LRRIQ1: variants seen among roughly 807,000 people sequenced by gnomAD.
LRRIQ1 encodes leucine-rich repeat- and IQ domain-containing protein 1.
LRRIQ1 carries 210 observed loss-of-function variants against 211.9 expected under a neutral mutation model. The observed-to-expected ratio is 0.99, with a 90% CI of 0.89 to 1.11. The LOEUF is 1.11. Ranked by LOEUF, LRRIQ1 falls within the 50% of genes most tolerant of loss-of-function variation. The probability of loss-of-function intolerance (pLI) is 0.00; values close to 1 mark genes in which losing one functional copy is unlikely to be tolerated. For synonymous variants in LRRIQ1, 699 were observed against 650.1 expected (o/e 1.08, Z -1.14); for missense variants, 2,136 against 1,939.5 (o/e 1.10, Z -1.90).
chr12:85,180,025 G>C (rs1891900261), intron 24 of LRRIQ1, among the ~76,000 whole-genome samples: 1 of 151,772 alleles, frequency 6.6e-6, no homozygotes, highest in South Asian at 2.1e-4. Flanking sequence ...AAAAATCTTT[G>C]GATTCTCAGA....
rs142664098 is a variant in LRRIQ1, at chr12:85,127,558, C to T, written c.4008-274C>T. Among the ~76,000 whole-genome samples, 122 of 152,270 alleles carry T rather than the reference C, an allele frequency of 8.0e-4. No homozygotes were observed. The Middle Eastern group carries it at 0.014, about 17-fold the overall frequency. On this transcript the variant is annotated intron_variant, in intron 17 of 26. Transcript: ENST00000393217. ...CTGGACAAATATCCCCAGAATGATA[C>T]AAGATCTCTATAAATCTCTCTCCTT...
chr12:85,073,210 G>T, intron 11 of LRRIQ1, 112 bp downstream of exon 11: 1 of 637,180 alleles, frequency 1.6e-6, no homozygotes, highest in Non-Finnish European at 2.5e-6. Context: ...TTAAATATAG[G>T]TAAAATATAG....
intron 13 of LRRIQ1, among the ~76,000 whole-genome samples, chr12:85,099,338 G>A (rs1219670692): frequency 6.6e-6 from 1 of 151,760 alleles, no homozygotes; most frequent in Non-Finnish European, 1.5e-5. Context: ...TAATTCAGAA[G>A]GATGTCTCAT....
At chr12:85,196,860 C>A (rs1269601286) in intron 24 of LRRIQ1, among the ~76,000 whole-genome samples, 1 of 152,082 alleles carries the variant, frequency 6.6e-6, no homozygotes, top group Non-Finnish European at 1.5e-5. Flanking sequence ...TTCTGCACTG[C>A]AAAAGAAACT....
intron 24 of LRRIQ1, among the ~76,000 whole-genome samples, chr12:85,178,662 C>A (rs1303438041): frequency 1.3e-5 from 2 of 151,938 alleles, no homozygotes; most frequent in East Asian, 3.9e-4. Flanking sequence ...TACATCTTCG[C>A]TTCCATTCTC....
intron 13 of LRRIQ1, among the ~76,000 whole-genome samples, chr12:85,102,803 T>C (rs1433593878): frequency 6.6e-6 from 1 of 151,132 alleles, no homozygotes; most frequent in Non-Finnish European, 1.5e-5. Context: ...AGGGAGAGTA[T>C]AAAAAACACG....
downstream of LRRIQ1, among the ~76,000 whole-genome samples, chr12:85,248,660 T>C (rs1895806398): frequency 6.6e-6 from 1 of 151,712 alleles, no homozygotes; most frequent in Admixed American, 6.6e-5. Context: ...TAATATGGTA[T>C]TGAATTTTCT....
intron 11 of LRRIQ1, among the ~76,000 whole-genome samples, chr12:85,083,856 C>G (rs1310793285): frequency 6.6e-6 from 1 of 152,130 alleles, no homozygotes; most frequent in Non-Finnish European, 1.5e-5. Context: ...ATGAGCCTTC[C>G]AGATTGTTTT....
chr12:85,077,339 C>T (rs1198507178), intron 11 of LRRIQ1, among the ~76,000 whole-genome samples: 1 of 152,158 alleles, frequency 6.6e-6, no homozygotes, highest in Non-Finnish European at 1.5e-5. Flanking sequence ...ACACACTTGA[C>T]TTAAGTTTTA....
intron 18 of LRRIQ1, among the ~76,000 whole-genome samples, chr12:85,128,614 C>T (rs776117243): frequency 1.2e-4 from 18 of 152,030 alleles, no homozygotes; most frequent in Admixed American, 2.6e-4. Context: ...ACAACAACAA[C>T]AACTTCTCAT....
At chr12:85,042,819 T>C (rs1879057656) in intron 3 of LRRIQ1, among the ~76,000 whole-genome samples, 1 of 152,008 alleles carries the variant, frequency 6.6e-6, no homozygotes, top group Non-Finnish European at 1.5e-5. Context: ...TCTTACAACC[T>C]ATTAAGGAGC....
In LRRIQ1 at chr12:85,040,535, A is replaced by G. The variant is rs760656099; in HGVS notation, c.178A>G (p.Ile60Val). The change falls in exon 3 of 27, where the codon ATA (isoleucine) becomes GTA (valine). Residue 60 changes from isoleucine (I) to valine (V), a missense_variant. Physicochemically the swap from Ile to Val is conservative, Grantham distance 29. Transcript: ENST00000393217. ...ATCAGTTCTTCACTGTATTAACATC[A>G]TAAAGAACAGGAGTAAAGCTGTTGA... ...PESVLHCINI[I>V]KNRSKAVEEL... The G allele has an allele frequency of 5.6e-6, 9 of 1,596,376 alleles. No homozygotes were observed. In the East Asian group the frequency reaches 1.6e-4, roughly 28 times the overall value.
intron 19 of LRRIQ1, among the ~76,000 whole-genome samples, chr12:85,148,589 T>A (rs1351089902): frequency 6.6e-6 from 1 of 152,052 alleles, no homozygotes; most frequent in African/African-American, 2.4e-5. Flanking sequence ...TTTGCTATTA[T>A]AAATAGTGCT....
chr12:85,223,073 A>G (rs1481025510), intron 24 of LRRIQ1, among the ~76,000 whole-genome samples: 2 of 152,156 alleles, frequency 1.3e-5, no homozygotes, highest in African/African-American at 4.8e-5. Flanking sequence ...GGAGGAAAAA[A>G]CATACTTTAG....
downstream of LRRIQ1, among the ~76,000 whole-genome samples, chr12:85,268,000 C>G (rs984100349): frequency 3.3e-5 from 5 of 151,868 alleles, no homozygotes; most frequent in East Asian, 7.7e-4. Flanking sequence ...TTTTCATAAA[C>G]ATTCAGCAAA....
chr12:85,136,482 G>A (rs1401888590), intron 18 of LRRIQ1, among the ~76,000 whole-genome samples: 1 of 151,894 alleles, frequency 6.6e-6, no homozygotes, highest in African/African-American at 2.4e-5. Context: ...TGAGTTAGAA[G>A]CAGAGTTAAA....
At chr12:85,105,712 T>A (rs1886727924) in intron 14 of LRRIQ1, among the ~76,000 whole-genome samples, 1 of 152,008 alleles carries the variant, frequency 6.6e-6, no homozygotes, top group Non-Finnish European at 1.5e-5. Context: ...AAATTAATTA[T>A]GAATAATTTT....
At chr12:85,185,624 A>G (rs972349241) in intron 24 of LRRIQ1, among the ~76,000 whole-genome samples, 6 of 152,060 alleles carry the variant, frequency 3.9e-5, no homozygotes, top group South Asian at 2.1e-4. Context: ...GAATAAAGTA[A>G]ATTTTCAAGT....
intron 24 of LRRIQ1, among the ~76,000 whole-genome samples, chr12:85,222,541 T>A (rs777471451): frequency 1.3e-5 from 2 of 152,144 alleles, no homozygotes; most frequent in African/African-American, 2.4e-5. Context: ...ATTATGATGC[T>A]TTTGATGTGC....
Sources: gnomAD v4.1 joint callset for allele counts (sites outside exome capture counted in the v4.1 genomes callset) on GRCh38, gnomAD v4.1.1 for gene constraint, MANE v1.5 for transcripts, NCBI Gene and HGNC (gene_info 2026-07-23, HGNC 2026-07-21) for gene names.